TSPAN18: variants seen among roughly 807,000 people sequenced by gnomAD.
The protein encoded by TSPAN18 is tetraspanin-18.
A neutral mutation model predicts 27.3 loss-of-function variants in TSPAN18; 14 were observed. The observed-to-expected ratio is 0.51, with a 90% confidence interval of 0.34 to 0.80. TSPAN18 has a LOEUF of 0.80. Ranked by LOEUF, TSPAN18 falls within the 30% of genes least tolerant of loss-of-function variation. The probability of loss-of-function intolerance (pLI) is 0.01; values close to 1 mark genes in which losing one functional copy is unlikely to be tolerated. For missense variants in TSPAN18, 268 were observed against 323.9 expected, an observed-to-expected ratio of 0.83 and a Z score of 1.32; for synonymous variants, 143 against 136.5, an observed-to-expected ratio of 1.05 and a Z score of -0.33.
chr11:44,847,912 C>A (rs556502893), intron 2 of TSPAN18, among the ~76,000 whole-genome samples: 1 of 152,142 alleles, frequency 6.6e-6, no homozygotes, highest in East Asian at 1.9e-4. Flanking sequence ...CAGCTCACTG[C>A]AACCTCTGCC....
intron 1 of TSPAN18, among the ~76,000 whole-genome samples, chr11:44,731,596 TTGTGTGTGTGTGTGTG>T (rs796756282): frequency 5.9e-5 from 7 of 117,888 alleles, no homozygotes; most frequent in African/African-American, 1.5e-4. Context: ...GGGGCCTGGA[TTGTGTGTGTGTGTGTG>T]TGTGTGTGTG....
At chr11:44,868,772 G>A (rs1185145248) in intron 3 of TSPAN18, among the ~76,000 whole-genome samples, 4 of 152,196 alleles carry the variant, frequency 2.6e-5, no homozygotes, top group Non-Finnish European at 2.9e-5. Context: ...AAGGTGGAGC[G>A]CCCACACCAG....
At chr11:44,765,564 A>G (rs1855550896) in intron 2 of TSPAN18, among the ~76,000 whole-genome samples, 1 of 152,174 alleles carries the variant, frequency 6.6e-6, no homozygotes, top group Non-Finnish European at 1.5e-5. Context: ...CTGTCATGTC[A>G]TCTTGCCACT....
intron 5 of TSPAN18, among the ~76,000 whole-genome samples, chr11:44,910,659 CG>C (rs1186465766): frequency 6.6e-6 from 1 of 152,208 alleles, no homozygotes; most frequent in Non-Finnish European, 1.5e-5. Context: ...AATTCTGAAA[CG>C]GTATGATATG....
intron 2 of TSPAN18, among the ~76,000 whole-genome samples, chr11:44,833,776 C>CT: frequency 6.6e-6 from 1 of 152,032 alleles, no homozygotes; most frequent in East Asian, 1.9e-4. Context: ...GACACCCCAC[C>CT]TGGGCCTTGA....
At chr11:44,884,912 G>A (rs1429886680) in intron 3 of TSPAN18, among the ~76,000 whole-genome samples, 1 of 152,160 alleles carries the variant, frequency 6.6e-6, no homozygotes, top group Non-Finnish European at 1.5e-5. Flanking sequence ...TTAGCCCAAA[G>A]TCACTCCCTC....
At chr11:44,797,672 G>A (rs765317062) in intron 2 of TSPAN18, among the ~76,000 whole-genome samples, 1 of 152,186 alleles carries the variant, frequency 6.6e-6, no homozygotes, top group African/African-American at 2.4e-5. Flanking sequence ...TGTTATCCTT[G>A]TGTCTAGCAA....
intron 5 of TSPAN18, among the ~76,000 whole-genome samples, chr11:44,912,712 CGT>C (rs201013800): frequency 3.3e-5 from 5 of 151,896 alleles, no homozygotes; most frequent in Non-Finnish European, 7.4e-5. Flanking sequence ...TGTGTTCTAT[CGT>C]GTGTGTTTGT....
intron 2 of TSPAN18, among the ~76,000 whole-genome samples, chr11:44,796,808 T>A (rs835852): frequency 0.61 from 92,780 of 151,884 alleles, 29,573 homozygotes; most frequent in Non-Finnish European, 0.7. Flanking sequence ...GTATCTATTC[T>A]CATGCATATT....
rs1437874055 is a variant in TSPAN18 at position 44,727,055 on chromosome 11, C to T, written c.-472C>T. 1 of 101,326 alleles carries T rather than the reference C, an allele frequency of 9.9e-6. No homozygotes were observed. Among genetic ancestry groups the T allele is most frequent in the East Asian group, 3.6e-4 (1 of 2,754 alleles). 6.3% of individuals were successfully genotyped at this position (101,326 alleles called of 1,614,324 possible). On this transcript the variant is annotated 5_prime_UTR_variant, in exon 1 of 10. Coordinates refer to ENST00000520358, the MANE Select transcript of TSPAN18 (RefSeq NM_130783.5). ...CCGCGCGAGGCCGCCCGAGCCCCAG[C>T]CCCGGCCCCGGCCCCAGCCCCGGCC...
At chr11:44,744,334 TCTGTCTCCA>T (rs756107135) in intron 1 of TSPAN18, among the ~76,000 whole-genome samples, 1 of 152,244 alleles carries the variant, frequency 6.6e-6, no homozygotes, top group Non-Finnish European at 1.5e-5. Flanking sequence ...CAGCCTGGGC[TCTGTCTCCA>T]CTGTTTACTG....
intron 2 of TSPAN18, among the ~76,000 whole-genome samples, chr11:44,831,055 G>A (rs1458881395): frequency 6.6e-6 from 1 of 152,186 alleles, no homozygotes; most frequent in Non-Finnish European, 1.5e-5. Flanking sequence ...GGAAGTTGCA[G>A]TGAGCTGAGA....
intron 8 of TSPAN18, among the ~76,000 whole-genome samples, chr11:44,923,696 A>G (rs1860233006): frequency 1.3e-5 from 2 of 152,154 alleles, no homozygotes; most frequent in Non-Finnish European, 2.9e-5. Context: ...TCTTGTGGGT[A>G]AAATGCAGGT....
chr11:44,865,009 G>A (rs1055019996), intron 3 of TSPAN18, among the ~76,000 whole-genome samples: 5 of 152,210 alleles, frequency 3.3e-5, no homozygotes, highest in Admixed American at 1.3e-4. Flanking sequence ...TACTGGAATC[G>A]GTGTTGTCCC....
At chr11:44,795,465 C>T (rs895289018) in intron 2 of TSPAN18, among the ~76,000 whole-genome samples, 2 of 152,076 alleles carry the variant, frequency 1.3e-5, no homozygotes, top group Non-Finnish European at 2.9e-5. Context: ...ATGATGGTAT[C>T]CTACCTCCAC....
At chr11:44,762,283 G>A (rs907051400) in intron 1 of TSPAN18, among the ~76,000 whole-genome samples, 4 of 152,160 alleles carry the variant, frequency 2.6e-5, no homozygotes, top group African/African-American at 4.8e-5. Flanking sequence ...CATGTACTAC[G>A]GGATACTGTG....
intron 1 of TSPAN18, among the ~76,000 whole-genome samples, chr11:44,756,281 C>G (rs1265802138): frequency 8.0e-6 from 1 of 124,728 alleles, no homozygotes; most frequent in Non-Finnish European, 1.7e-5. Flanking sequence ...GTGTAGCCCC[C>G]ATCTGTTCTT....
chr11:44,897,704 C>G (rs1859112589), intron 3 of TSPAN18: 1 of 1,221,486 alleles, frequency 8.2e-7, no homozygotes, highest in Admixed American at 2.3e-5. Context: ...TGGGGCTGCT[C>G]TTTATTGACT....
At chr11:44,862,132 T>C (rs1424796609) in intron 3 of TSPAN18, among the ~76,000 whole-genome samples, 1 of 152,034 alleles carries the variant, frequency 6.6e-6, no homozygotes, top group Non-Finnish European at 1.5e-5. Flanking sequence ...TGAAGCCCCT[T>C]AGAGGGACAG....
Sources: allele counts gnomAD v4.1 joint callset (sites outside exome capture counted in the v4.1 genomes callset), GRCh38; gene constraint gnomAD v4.1.1; transcripts MANE v1.5; gene names NCBI Gene and HGNC (gene_info 2026-07-23, HGNC 2026-07-21).